MYT1L: variants seen among roughly 807,000 people sequenced by gnomAD.
The protein encoded by MYT1L is myelin transcription factor 1 like.
In MYT1L, 12 loss-of-function variants were observed where a neutral mutation model predicts 126.7. That is an observed-to-expected ratio of 0.09 (90% CI 0.06 to 0.15). The LOEUF is 0.15. Among genes scored for constraint, MYT1L ranks in the 10% least tolerant of loss-of-function variants. MYT1L has a pLI of 1.00. For synonymous variants in MYT1L, 541 were observed against 604.2 expected (o/e 0.90, Z 1.53); for missense variants, 979 against 1,585.2 (o/e 0.62, Z 6.49).
chr2:2,206,494 C>A (rs187326038), intron 2 of MYT1L, among the ~76,000 whole-genome samples: 2 of 152,296 alleles, frequency 1.3e-5, no homozygotes, highest in East Asian at 1.9e-4. Flanking sequence ...TGTCTCCCCA[C>A]CTGGTCAATA....
chr2:2,285,282 G>A (rs950322185), intron 1 of MYT1L, among the ~76,000 whole-genome samples: 2 of 152,128 alleles, frequency 1.3e-5, no homozygotes. Flanking sequence ...GACCTCAAAC[G>A]CAGCTTGCCT....
chr2:2,182,990 T>C (rs2091700619), intron 2 of MYT1L, among the ~76,000 whole-genome samples: 1 of 152,140 alleles, frequency 6.6e-6, no homozygotes, highest in Non-Finnish European at 1.5e-5. Flanking sequence ...GAGCGGACTC[T>C]GCCACAGAGG....
At chr2:2,097,102 CT>C (rs1184395665) in intron 3 of MYT1L, among the ~76,000 whole-genome samples, 1 of 152,180 alleles carries the variant, frequency 6.6e-6, no homozygotes, top group African/African-American at 2.4e-5. Flanking sequence ...CCTCCCCAGC[CT>C]CTTCCCTGGC....
At position 1,889,172 on chromosome 2, in the gene MYT1L, G is replaced by C; in HGVS notation, c.2520+69C>G. 1 of 1,205,434 alleles carries C rather than the reference G, an allele frequency of 8.3e-7. No homozygotes were observed. The highest frequency in any genetic ancestry group is 1.3e-5 in the South Asian group (1 of 74,992). The allele number at this position is 1,205,434 out of a possible 1,614,324, so 74.7% of individuals were successfully genotyped here. ...TTTTCTCATAACGTATGTGCAAATGGCTTTTCTTTCAGCTGGGGCCCCATT... is the reference window on the plus strand; with the variant it reads ...TTTTCTCATAACGTATGTGCAAATGCCTTTTCTTTCAGCTGGGGCCCCATT... On this transcript the variant is annotated intron_variant, in intron 16 of 24. Coordinates refer to ENST00000647738, the MANE Select transcript of MYT1L (RefSeq NM_001303052.2). The surrounding 1 kb of genome is among the most constrained non-coding windows in gnomAD (Gnocchi z 4.1).
rs768281608 is a variant in MYT1L at position 1,889,451 on chromosome 2, G to A, written c.2310C>T (p.Asn770=). 18 of 1,606,312 alleles carry A rather than the reference G, an allele frequency of 1.1e-5. No homozygotes were observed. The highest frequency in any genetic ancestry group is 9.4e-5 in the African/African-American group (7 of 74,742). The change falls in exon 16 of 25, where the codon AAC becomes AAT. Residue 770 remains asparagine, a synonymous_variant. Transcript: ENST00000647738. This position sits in a 1 kb window ranked among gnomAD's most constrained non-coding sequence, Gnocchi z 4.1. ...TRNPDMEVDE[N]GTLDLSMNKQ... ...TGTTCATGCTGAGGTCCAGGGTCCCGTTCTCATCCACCTCCATGTCAGGGT... is the reference window on the plus strand; with the variant it reads ...TGTTCATGCTGAGGTCCAGGGTCCCATTCTCATCCACCTCCATGTCAGGGT...
At chr2:2,274,599 C>G (rs559253709) in intron 2 of MYT1L, among the ~76,000 whole-genome samples, 1 of 152,218 alleles carries the variant, frequency 6.6e-6, no homozygotes, top group African/African-American at 2.4e-5. Context: ...ATTTCTTGGA[C>G]TAAGGGGAGT....
intron 4 of MYT1L, among the ~76,000 whole-genome samples, chr2:2,045,038 G>A (rs902365086): frequency 6.6e-6 from 1 of 152,192 alleles, no homozygotes; most frequent in Non-Finnish European, 1.5e-5. Flanking sequence ...ATGTAAATGA[G>A]GAGCAATGGC....
rs553951630 is a variant in MYT1L at position 2,122,872 on chromosome 2, T to TGTGTGAGAGA, written c.-304+49999_-304+50000insTCTCTCACAC. Among the ~76,000 whole-genome samples, 1,159 of 132,964 alleles carry TGTGTGAGAGA rather than the reference T, an allele frequency of 8.7e-3. 8 individuals are homozygous for TGTGTGAGAGA. Among genetic ancestry groups the TGTGTGAGAGA allele is most frequent in the South Asian group, 0.018 (69 of 3,932 alleles). The allele number at this position is 132,964 out of a possible 152,430, so 87.2% of individuals were successfully genotyped here. ...GTGTGTGTGTGTGTGTGTGTGTGTG[T>TGTGTGAGAGA]GAGAGAGAGAGAGAGAGAGACCAAT... On this transcript the variant is annotated intron_variant, in intron 3 of 24. Coordinates refer to ENST00000647738, the MANE Select transcript of MYT1L (RefSeq NM_001303052.2).
At chr2:1,988,355 C>T (rs903751167) in intron 5 of MYT1L, among the ~76,000 whole-genome samples, 8 of 152,220 alleles carry the variant, frequency 5.3e-5, no homozygotes, top group Non-Finnish European at 7.3e-5. Flanking sequence ...CGTGATGATA[C>T]GTGGCTCTGA....
intron 2 of MYT1L, among the ~76,000 whole-genome samples, chr2:2,229,788 T>C (rs1027836453): frequency 2.5e-4 from 38 of 152,158 alleles, no homozygotes; most frequent in African/African-American, 9.2e-4. Context: ...GCTGCTCCCA[T>C]GGTGTGTGTA....
In MYT1L at chr2:1,923,001, A is replaced by G; in HGVS notation, c.768T>C (p.Asp256=). The part of the protein sequence containing the change: ...KSELSLDLDS[D]VVRETVDSLK... ...GGGAGTCCACTGTTTCTCTAACAACATCACTGTCTAAGTCTAAACTCAACT... is the reference window on the plus strand; with the variant it reads ...GGGAGTCCACTGTTTCTCTAACAACGTCACTGTCTAAGTCTAAACTCAACT... Residue 256 remains aspartate, a synonymous_variant, in exon 10 of 25, where the codon GAT becomes GAC. Coordinates refer to ENST00000647738, the MANE Select transcript of MYT1L (RefSeq NM_001303052.2). 1.2e-6 allele frequency: 2 copies of G among 1,614,054 alleles called. No homozygotes were observed. The highest frequency in any genetic ancestry group is 2.2e-5 in the East Asian group (1 of 44,884).
In MYT1L at chr2:1,852,835, A is replaced by C. The variant is rs2043450395; in HGVS notation, c.2712-1132T>G. Among the ~76,000 whole-genome samples the C allele has an allele frequency of 6.6e-6, 1 of 152,196 alleles. No homozygotes were observed. On this transcript the variant is annotated intron_variant, in intron 18 of 24. Coordinates refer to ENST00000647738, the MANE Select transcript of MYT1L (RefSeq NM_001303052.2). This position sits in a 1 kb window ranked among gnomAD's most constrained non-coding sequence, Gnocchi z 4.0. The stretch of plus-strand genomic sequence containing the variant: ...ATTCTTGTCAAGATCAAGAATCACA[A>C]TTTAAAAATATTTTAATACATGTCT...
intron 2 of MYT1L, among the ~76,000 whole-genome samples, chr2:2,278,178 C>T (rs1026801716): frequency 3.3e-5 from 5 of 152,178 alleles, no homozygotes; most frequent in Non-Finnish European, 4.4e-5. Context: ...AATGGGTGGC[C>T]TACATGTGTT....
chr2:1,967,757 C>A (rs779789457), intron 8 of MYT1L, among the ~76,000 whole-genome samples: 3 of 152,110 alleles, frequency 2.0e-5, no homozygotes, highest in African/African-American at 4.8e-5. Flanking sequence ...GGGTGTTTTG[C>A]TGCGCAGGCG....
intron 3 of MYT1L, among the ~76,000 whole-genome samples, chr2:2,160,632 C>T (rs376246475): frequency 3.3e-5 from 5 of 152,246 alleles, no homozygotes; most frequent in South Asian, 2.1e-4. Context: ...AGACATTGCA[C>T]GCCATCTTCT....
chr2:2,207,647 T>C (rs1389883210), intron 2 of MYT1L, among the ~76,000 whole-genome samples: 2 of 152,148 alleles, frequency 1.3e-5, no homozygotes, highest in Admixed American at 6.5e-5. Context: ...CTGTTGACAA[T>C]TATTCTAGAG....
At chr2:1,941,609 G>C (rs2056653309) in intron 9 of MYT1L, among the ~76,000 whole-genome samples, 1 of 152,102 alleles carries the variant, frequency 6.6e-6, no homozygotes, top group Non-Finnish European at 1.5e-5. Flanking sequence ...TCTCTACCCA[G>C]CATTCTACCA....
intron 3 of MYT1L, among the ~76,000 whole-genome samples, chr2:2,124,028 T>C (rs1244202399): frequency 6.6e-6 from 1 of 152,192 alleles, no homozygotes; most frequent in Non-Finnish European, 1.5e-5. Context: ...CAATCATCTG[T>C]GATGTTGAAA....
intron 2 of MYT1L, among the ~76,000 whole-genome samples, chr2:2,252,327 C>T (rs183253365): frequency 1.1e-3 from 170 of 152,318 alleles, no homozygotes; most frequent in African/African-American, 4.0e-3. Context: ...AGATTCAGCC[C>T]TCCCATGGCC....
Sources: allele counts gnomAD v4.1 joint callset (sites outside exome capture counted in the v4.1 genomes callset), GRCh38; gene constraint gnomAD v4.1.1; non-coding constraint Gnocchi (gnomAD v3.1); transcripts MANE v1.5; gene names NCBI Gene and HGNC (gene_info 2026-07-23, HGNC 2026-07-21).